MYLK4: variants seen among roughly 807,000 people sequenced by gnomAD.
MYLK4 encodes the protein caMLCK like.
In MYLK4, 46 loss-of-function variants were observed where a neutral mutation model predicts 48.1. The ratio of observed to expected loss-of-function variants is 0.96; its 90% CI spans 0.75 to 1.22. The LOEUF is 1.22. MYLK4 is among the 50% of genes most tolerant of loss of function. The probability of loss-of-function intolerance (pLI) is 0.00; values close to 1 mark genes in which losing one functional copy is unlikely to be tolerated. For missense variants in MYLK4, 451 were observed against 486.1 expected (o/e 0.93, Z 0.68); for synonymous variants, 170 against 180.8 (o/e 0.94, Z 0.48).
intron 2 of MYLK4, among the ~76,000 whole-genome samples, chr6:2,734,979 G>A (rs1763618605): frequency 6.6e-6 from 1 of 152,198 alleles, no homozygotes; most frequent in African/African-American, 2.4e-5. Flanking sequence ...TGAGCAATCA[G>A]ATTCCAGCTT....
chr6:2,764,905 T>C, the MYLK4 span, among the ~76,000 whole-genome samples: 8 of 152,356 alleles, frequency 5.3e-5, no homozygotes, highest in Non-Finnish European at 1.0e-4. Flanking sequence ...TTTTCTGCTG[T>C]TCACGTCCAA....
chr6:2,756,599 A>G, the MYLK4 span, among the ~76,000 whole-genome samples: 1 of 152,338 alleles, frequency 6.6e-6, no homozygotes, highest in African/African-American at 2.4e-5. Flanking sequence ...GTTCACACTC[A>G]TACTGATATA....
intron 2 of MYLK4, among the ~76,000 whole-genome samples, chr6:2,739,223 G>A (rs1582120075): frequency 6.6e-6 from 1 of 152,200 alleles, no homozygotes; most frequent in East Asian, 1.9e-4. Context: ...GGAGGCCAAG[G>A]CAGGCAGATC....
At chr6:2,757,894 A>G in the MYLK4 span, among the ~76,000 whole-genome samples, 1 of 152,214 alleles carries the variant, frequency 6.6e-6, no homozygotes, top group Non-Finnish European at 1.5e-5. Flanking sequence ...GCCTAGTGGG[A>G]AAGTCATGGG....
chr6:2,679,216 G>T, intron 9 of MYLK4, 64 bp downstream of exon 9: 1 of 1,592,462 alleles, frequency 6.3e-7, no homozygotes, highest in Non-Finnish European at 8.6e-7. Flanking sequence ...TATTTAAAAC[G>T]GCAAAACCTC....
At chr6:2,752,088 AC>A (rs1264045946), upstream of MYLK4, among the ~76,000 whole-genome samples, 1 of 152,088 alleles carries the variant, frequency 6.6e-6, no homozygotes, top group East Asian at 1.9e-4. Flanking sequence ...CACATCCTCC[AC>A]CCGGACCACC....
intron 12 of MYLK4, among the ~76,000 whole-genome samples, chr6:2,669,062 T>C (rs551867296): frequency 4.8e-5 from 7 of 147,106 alleles, no homozygotes; most frequent in Non-Finnish European, 1.1e-4. Context: ...AGCAAGACCC[T>C]GTCTCTAATT....
chr6:2,685,224 G>A lies in MYLK4; in HGVS notation c.545+72C>T, dbSNP rs80188919. ...GTTCTGGTCCCGCTACAGCAGGACG[G>A]AGCTACTGAGGCACGGTCACGGTCA... On this transcript the variant is annotated intron_variant, in intron 6 of 12. Coordinates refer to ENST00000274643, the MANE Select transcript of MYLK4 (RefSeq NM_001012418.5). This position sits in a 1 kb window ranked among gnomAD's most constrained non-coding sequence, Gnocchi z 4.5. 9.4e-4 allele frequency: 1,051 copies of A among 1,118,426 alleles called. 8 individuals are homozygous for A. In the African/African-American group the frequency reaches 0.015, roughly 15 times the overall value. 69.3% of individuals were successfully genotyped at this position (1,118,426 alleles called of 1,614,324 possible).
intron 2 of MYLK4, among the ~76,000 whole-genome samples, chr6:2,731,822 T>C (rs938096187): frequency 2.0e-5 from 3 of 152,248 alleles, no homozygotes; most frequent in African/African-American, 7.2e-5. Context: ...TCTTTTATTA[T>C]AAAAGGACCT....
intron 2 of MYLK4, among the ~76,000 whole-genome samples, chr6:2,694,590 G>GTGGTGA (rs1761984275): frequency 7.7e-6 from 1 of 130,354 alleles, no homozygotes; most frequent in Non-Finnish European, 1.7e-5. Context: ...GGTGGTGGTG[G>GTGGTGA]TGGTGGTGGT....
At position 2,742,599 on chromosome 6, in the gene MYLK4, T is replaced by C. The variant is rs545860239; in HGVS notation, c.159+6537A>G. On this transcript the variant is annotated intron_variant, in intron 2 of 12. Coordinates refer to ENST00000274643, the MANE Select transcript of MYLK4 (RefSeq NM_001012418.5). ...TGGATGAAATTGGAAATCATCATTC[T>C]CAGTAAACTATCGCAAGGACAAAAA... is the stretch of plus-strand genomic sequence containing the variant. Among the ~76,000 whole-genome samples, 64 of 151,320 alleles carry C rather than the reference T, an allele frequency of 4.2e-4. 1 individual carries two copies. The highest frequency in any genetic ancestry group is 1.5e-3 in the African/African-American group (63 of 41,200).
At chr6:2,713,183 C>G (rs969729779) in intron 2 of MYLK4, among the ~76,000 whole-genome samples, 3 of 151,952 alleles carry the variant, frequency 2.0e-5, no homozygotes, top group African/African-American at 7.3e-5. Flanking sequence ...CCAGCTTGAC[C>G]AACACGGAGA....
intron 2 of MYLK4, among the ~76,000 whole-genome samples, chr6:2,707,085 AG>A (rs1362010965): frequency 6.6e-6 from 1 of 152,234 alleles, no homozygotes; most frequent in Non-Finnish European, 1.5e-5. Flanking sequence ...ACCTGCACAA[AG>A]CAACACGGGA....
rs752396092 is a variant in MYLK4, at chr6:2,671,299, G to C, written c.*2C>G. Reference sequence around the variant, plus strand: ...ACCTTCCAAATGGCTGCCTCCTGTAGACTATTTGGTCACAAAGTCCTGGGC... The same window carrying C: ...ACCTTCCAAATGGCTGCCTCCTGTACACTATTTGGTCACAAAGTCCTGGGC... On this transcript the variant is annotated 3_prime_UTR_variant, in exon 12 of 13. Coordinates refer to ENST00000274643, the MANE Select transcript of MYLK4 (RefSeq NM_001012418.5). 34 of 1,613,762 alleles carry C rather than the reference G, an allele frequency of 2.1e-5. No homozygotes were observed. The highest frequency in any genetic ancestry group is 2.6e-5 in the Non-Finnish European group (31 of 1,179,884).
In MYLK4 at chr6:2,703,296, T is replaced by G. The variant is rs143213688; in HGVS notation, c.160-10437A>C. Among the ~76,000 whole-genome samples the G allele has an allele frequency of 5.9e-5, 9 of 152,314 alleles. No homozygotes were observed. In the East Asian group the frequency reaches 1.7e-3, roughly 29 times the overall value. On this transcript the variant is annotated intron_variant, in intron 2 of 12. Coordinates refer to ENST00000274643, the MANE Select transcript of MYLK4 (RefSeq NM_001012418.5). ...ACAACAGGCTGTTGGCCATGTAATA[T>G]TTAATATTTAAATAAGAAGTTTTTA...
At chr6:2,722,512 A>AGTGT (rs369339405) in intron 2 of MYLK4, among the ~76,000 whole-genome samples, 16,245 of 139,376 alleles carry the variant, frequency 0.12, 843 homozygotes, top group South Asian at 0.19. Flanking sequence ...ACATAAAAGG[A>AGTGT]GTGTGTGTGT....
At chr6:2,750,366 TCAAA>T (rs928042749) in intron 1 of MYLK4, among the ~76,000 whole-genome samples, 19 of 152,194 alleles carry the variant, frequency 1.2e-4, no homozygotes, top group South Asian at 2.1e-4. Context: ...GAGCTTACAT[TCAAA>T]CAAATAAAAA....
chr6:2,728,777 C>T (rs974733465), intron 2 of MYLK4, among the ~76,000 whole-genome samples: 13 of 152,338 alleles, frequency 8.5e-5, no homozygotes, highest in Non-Finnish European at 1.9e-4. Context: ...ATCTGTCAAA[C>T]CAATCTGTCA....
At chr6:2,722,262 A>ATAGTGTGG (rs1763096552) in intron 2 of MYLK4, among the ~76,000 whole-genome samples, 1 of 152,228 alleles carries the variant, frequency 6.6e-6, no homozygotes, top group African/African-American at 2.4e-5. Context: ...CAATTAGTAT[A>ATAGTGTGG]CAGTGTGGTT....
Sources: allele counts gnomAD v4.1 joint callset (sites outside exome capture counted in the v4.1 genomes callset), GRCh38; gene constraint gnomAD v4.1.1; non-coding constraint Gnocchi (gnomAD v3.1); transcripts MANE v1.5; gene names NCBI Gene and HGNC (gene_info 2026-07-23, HGNC 2026-07-21).